GRID1: variants seen among roughly 807,000 people sequenced by gnomAD.
GRID1 encodes the protein glutamate ionotropic receptor delta type subunit 1.
GRID1 carries 28 observed loss-of-function variants against 98.0 expected under a neutral mutation model. The observed-to-expected ratio is 0.29, with a 90% CI of 0.21 to 0.39. GRID1 has a LOEUF of 0.39. Ranked by LOEUF, GRID1 falls within the 10% of genes least tolerant of loss-of-function variation. The pLI, the probability that GRID1 is intolerant of heterozygous loss-of-function variation, is 1.00. For missense variants in GRID1, 1,111 were observed against 1,340.5 expected (o/e 0.83, Z 2.67); for synonymous variants, 553 against 538.5 (o/e 1.03, Z -0.37).
intron 4 of GRID1, among the ~76,000 whole-genome samples, chr10:86,042,747 C>T (rs113412263): frequency 0.044 from 6,658 of 152,146 alleles, 172 homozygotes; most frequent in Middle Eastern, 0.068. Flanking sequence ...CATAGAAAGC[C>T]CAAGATGCCA....
At chr10:85,654,738 G>T (rs374284382) in intron 12 of GRID1, among the ~76,000 whole-genome samples, 3 of 152,178 alleles carry the variant, frequency 2.0e-5, no homozygotes, top group East Asian at 3.9e-4. Context: ...GCCATCCCAG[G>T]CACTCAGGGC....
chr10:86,303,373 C>T (rs1414533090), intron 2 of GRID1, among the ~76,000 whole-genome samples: 2 of 152,128 alleles, frequency 1.3e-5, no homozygotes, highest in Admixed American at 6.5e-5. Flanking sequence ...GAACCTCTTA[C>T]TTCATTAGAG....
intron 4 of GRID1, among the ~76,000 whole-genome samples, chr10:86,040,804 C>T (rs1053342772): frequency 3.9e-5 from 6 of 152,142 alleles, no homozygotes; most frequent in African/African-American, 1.4e-4. Context: ...GCTAATTACC[C>T]CGATCTGATA....
At chr10:86,140,563 GC>G (rs1009226196) in intron 3 of GRID1, among the ~76,000 whole-genome samples, 1 of 152,222 alleles carries the variant, frequency 6.6e-6, no homozygotes, top group African/African-American at 2.4e-5. Context: ...GGGGAACCAA[GC>G]AGCGCGAGGG....
At chr10:86,282,917 C>T (rs1357411332) in intron 2 of GRID1, among the ~76,000 whole-genome samples, 6 of 152,170 alleles carry the variant, frequency 3.9e-5, no homozygotes, top group Admixed American at 2.6e-4. Flanking sequence ...CAGCAGCAAC[C>T]CACTTGGCTC....
At chr10:86,353,211 C>T (rs1179464306) in intron 2 of GRID1, among the ~76,000 whole-genome samples, 1 of 152,232 alleles carries the variant, frequency 6.6e-6, no homozygotes, top group Admixed American at 6.5e-5. Context: ...AAACACAAGG[C>T]AAGGGGAGCA....
intron 4 of GRID1, among the ~76,000 whole-genome samples, chr10:85,985,808 C>T (rs1842602146): frequency 1.3e-5 from 2 of 152,154 alleles, no homozygotes; most frequent in African/African-American, 4.8e-5. Flanking sequence ...GATCTGGCTG[C>T]CTGGCCCACA....
intron 4 of GRID1, among the ~76,000 whole-genome samples, chr10:85,982,719 G>A (rs1411467462): frequency 5.3e-5 from 8 of 152,186 alleles, no homozygotes; most frequent in Non-Finnish European, 1.2e-4. Context: ...GCAAAAAGCT[G>A]TGCACAGCAC....
intron 4 of GRID1, among the ~76,000 whole-genome samples, chr10:85,929,353 G>A (rs1411487921): frequency 6.6e-6 from 1 of 152,116 alleles, no homozygotes; most frequent in Non-Finnish European, 1.5e-5. Flanking sequence ...TATCCAGACT[G>A]ACCCAGGGTA....
intron 2 of GRID1, among the ~76,000 whole-genome samples, chr10:86,243,978 T>A (rs1846679779): frequency 6.6e-6 from 1 of 152,208 alleles, no homozygotes; most frequent in Admixed American, 6.5e-5. Flanking sequence ...CACACACGTG[T>A]GCTTGTGTGC....
chr10:85,642,899 T>A (rs182028769), intron 13 of GRID1, among the ~76,000 whole-genome samples: 1 of 152,282 alleles, frequency 6.6e-6, no homozygotes. Context: ...TAATGACTCA[T>A]CTCCAGGTTT....
At chr10:86,060,802 C>T (rs900652309) in intron 4 of GRID1, among the ~76,000 whole-genome samples, 5 of 152,162 alleles carry the variant, frequency 3.3e-5, no homozygotes, top group Non-Finnish European at 5.9e-5. Context: ...TGCACCATGG[C>T]CAGCAAGCTC....
intron 8 of GRID1, among the ~76,000 whole-genome samples, chr10:85,741,043 C>A (rs560182967): frequency 6.6e-6 from 1 of 152,104 alleles, no homozygotes; most frequent in Non-Finnish European, 1.5e-5. Context: ...TGAGCCACTG[C>A]GCCCAGCCCA....
chr10:85,669,012 G>T (rs956811149), intron 12 of GRID1, among the ~76,000 whole-genome samples: 2 of 152,222 alleles, frequency 1.3e-5, no homozygotes, highest in African/African-American at 4.8e-5. Context: ...CCAGGTGTTT[G>T]AAAAACATTA....
intron 2 of GRID1, among the ~76,000 whole-genome samples, chr10:86,338,737 T>C (rs1848266607): frequency 1.3e-5 from 2 of 152,152 alleles, no homozygotes; most frequent in African/African-American, 4.8e-5. Flanking sequence ...TTTGTGTTTT[T>C]AGTAGAGACA....
intron 3 of GRID1, among the ~76,000 whole-genome samples, chr10:86,202,557 C>A (rs912863833): frequency 6.6e-6 from 1 of 152,206 alleles, no homozygotes; most frequent in South Asian, 2.1e-4. Context: ...TCTCAAATGT[C>A]GTCTTCTCTT....
chr10:85,642,361 C>G (rs1163342456), intron 13 of GRID1, among the ~76,000 whole-genome samples: 1 of 152,226 alleles, frequency 6.6e-6, no homozygotes, highest in African/African-American at 2.4e-5. Context: ...CCTCTCTCCT[C>G]TCTCTTTGTG....
chr10:85,877,123 G>A (rs184097272), intron 5 of GRID1, among the ~76,000 whole-genome samples: 7,233 of 152,318 alleles, frequency 0.047, 254 homozygotes, highest in Non-Finnish European at 0.071. Context: ...ACTGGGTGGA[G>A]CCCACCACAG....
intron 4 of GRID1, among the ~76,000 whole-genome samples, chr10:86,051,197 T>C (rs903631037): frequency 6.6e-6 from 1 of 151,662 alleles, no homozygotes; most frequent in East Asian, 1.9e-4. Context: ...GAATACCATT[T>C]CTAGAAACAG....
Sources: gnomAD v4.1 joint callset for allele counts (sites outside exome capture counted in the v4.1 genomes callset) on GRCh38, gnomAD v4.1.1 for gene constraint, MANE v1.5 for transcripts, NCBI Gene and HGNC (gene_info 2026-07-23, HGNC 2026-07-21) for gene names.